The following EFCAB7 variants were observed in gnomAD, a reference collection of about 807,000 sequenced individuals.
EFCAB7 encodes EF-hand calcium-binding domain-containing protein 7.
A neutral mutation model predicts 77.1 loss-of-function variants in EFCAB7; 66 were observed. The ratio of observed to expected loss-of-function variants is 0.86; its 90% CI spans 0.70 to 1.05. The LOEUF (loss-of-function observed/expected upper bound fraction) is 1.05, where lower values mean the gene tolerates loss of function less well. Ranked by LOEUF, EFCAB7 falls within the 50% of genes least tolerant of loss-of-function variation. The probability of loss-of-function intolerance (pLI) is 0.00; values close to 1 mark genes in which losing one functional copy is unlikely to be tolerated. For missense variants in EFCAB7, 638 were observed against 730.5 expected (o/e 0.87, Z 1.46); for synonymous variants, 225 against 243.3 (o/e 0.92, Z 0.70).
At chr1:63,523,810 G>C (rs1410121303) in intron 1 of EFCAB7, among the ~76,000 whole-genome samples, 176 bp downstream of exon 1, 5 of 152,174 alleles carry the variant, frequency 3.3e-5, no homozygotes, top group Admixed American at 2.6e-4. Context: ...ATAGAGAGAT[G>C]GTGCCCGAGA....
rs189834762 is a variant in EFCAB7 at position 63,533,961 on chromosome 1, T to G, written c.683-134T>G. ...TAAAGCCTGATAAATATAAAACTTC[T>G]GACTTTATTTCAATAGGGAGAACAA... On this transcript the variant is annotated intron_variant, in intron 5 of 13. Coordinates refer to ENST00000371088, the MANE Select transcript of EFCAB7 (RefSeq NM_032437.4). 192 of 992,382 alleles carry G rather than the reference T, an allele frequency of 1.9e-4. 1 individual carries two copies. The highest frequency in any genetic ancestry group is 2.5e-4 in the Non-Finnish European group (172 of 687,282). 61.5% of individuals were successfully genotyped at this position (992,382 alleles called of 1,614,324 possible).
intron 6 of EFCAB7, among the ~76,000 whole-genome samples, chr1:63,535,915 C>T (rs1456720069): frequency 1.3e-5 from 2 of 151,866 alleles, no homozygotes; most frequent in South Asian, 2.1e-4. Flanking sequence ...TCTAAGAGGC[C>T]GATAGAGTTT....
chr1:63,555,301 T>C (rs1014039314), intron 8 of EFCAB7, 57 bp from the exon 9 acceptor site: 3 of 1,510,778 alleles, frequency 2.0e-6, no homozygotes, highest in East Asian at 4.5e-5. Flanking sequence ...AAGCTTTAAA[T>C]TAAAAGATGA....
Position 63,571,118 on chromosome 1 carries a change from A to C in EFCAB7, c.1805A>C (p.Lys602Thr), listed in dbSNP as rs1250008155. The C allele has an allele frequency of 3.7e-6, 6 of 1,604,528 alleles. No homozygotes were observed. Among genetic ancestry groups the C allele is most frequent in the Non-Finnish European group, 5.1e-6 (6 of 1,174,190 alleles). ...LNIFAVEVGP[K>T]STMVCQHVMP... ...ATATTTGCAGTAGAAGTGGGACCCAAATCTACAATGGTAATGTATTATTTT... is the reference window on the plus strand; with the variant it reads ...ATATTTGCAGTAGAAGTGGGACCCACATCTACAATGGTAATGTATTATTTT... Residue 602 changes from lysine (K) to threonine (T), a missense_variant, in exon 13 of 14, where the codon AAA becomes ACA. By Grantham distance (78) the Lys-to-Thr change is moderately conservative. Coordinates refer to ENST00000371088, the MANE Select transcript of EFCAB7 (RefSeq NM_032437.4).
intron 10 of EFCAB7, 72 bp from the exon 11 acceptor site, chr1:63,561,637 A>G (rs1647101520): frequency 1.1e-6 from 1 of 915,080 alleles, no homozygotes; most frequent in Non-Finnish European, 1.5e-6. Flanking sequence ...GAATAATAAT[A>G]TATCATAGAC....
At chr1:63,578,150 C>CT in the EFCAB7 span, among the ~76,000 whole-genome samples, 1 of 152,082 alleles carries the variant, frequency 6.6e-6, no homozygotes, top group Non-Finnish European at 1.5e-5. Context: ...TGTAACTGAA[C>CT]TTTAAGTGAC....
At chr1:63,558,343 A>AT (rs1046973334) in intron 10 of EFCAB7, among the ~76,000 whole-genome samples, 1 of 152,200 alleles carries the variant, frequency 6.6e-6, no homozygotes, top group Non-Finnish European at 1.5e-5. Flanking sequence ...GACGGTTAAC[A>AT]TTTTTTGATA....
intron 13 of EFCAB7, 72 bp downstream of exon 13, chr1:63,571,200 G>T: frequency 1.1e-6 from 1 of 920,520 alleles, no homozygotes; most frequent in South Asian, 1.5e-5. Flanking sequence ...AATGCTATGA[G>T]TAAAATGTAA....
chr1:63,547,667 A>C (rs1238838037), intron 7 of EFCAB7: 2 of 152,216 alleles, frequency 1.3e-5, no homozygotes, highest in African/African-American at 4.8e-5. Context: ...TCTTAGTCTG[A>C]GCCAGGCTTG....
intron 11 of EFCAB7, among the ~76,000 whole-genome samples, chr1:63,564,385 C>A (rs767202392): frequency 6.6e-6 from 1 of 151,986 alleles, no homozygotes; most frequent in African/African-American, 2.4e-5. Flanking sequence ...TTAGAATGTG[C>A]AAAAATCACT....
rs753441788 is a variant in EFCAB7, at chr1:63,534,236, CAG to C, written c.804+22_804+23del. On this transcript the variant is annotated intron_variant, in intron 6 of 13. Transcript: ENST00000371088. ...ATAAAGGTATAGTATTTTAAGTTAA[CAG>C]ATGACTTTTTCTGAAAAAAATTTGA... is the stretch of plus-strand genomic sequence containing the variant. The C allele has an allele frequency of 2.6e-5, 41 of 1,601,612 alleles. No homozygotes were observed. Among genetic ancestry groups the C allele is most frequent in the Non-Finnish European group, 3.2e-5 (37 of 1,173,196 alleles).
chr1:63,572,931 G>A (rs1647309267), downstream of EFCAB7, among the ~76,000 whole-genome samples: 1 of 152,100 alleles, frequency 6.6e-6, no homozygotes, highest in Non-Finnish European at 1.5e-5. Context: ...GAGCTTTTGA[G>A]CCAGGAGAAG....
At chr1:63,574,225 G>C (rs1488764815), downstream of EFCAB7, among the ~76,000 whole-genome samples, 1 of 152,142 alleles carries the variant, frequency 6.6e-6, no homozygotes, top group Admixed American at 6.5e-5. Flanking sequence ...AATTGCAGCT[G>C]GAACACTGAG....
intron 7 of EFCAB7, chr1:63,548,604 A>G (rs1646927347): frequency 6.6e-6 from 1 of 151,578 alleles, no homozygotes; most frequent in Admixed American, 6.6e-5. Flanking sequence ...TTCTTCTTCC[A>G]CTTGTATGGT....
At chr1:63,577,806 A>G in the EFCAB7 span, among the ~76,000 whole-genome samples, 1 of 152,194 alleles carries the variant, frequency 6.6e-6, no homozygotes, top group Non-Finnish European at 1.5e-5. Context: ...AATGATGTGA[A>G]TATGGAAACA....
intron 8 of EFCAB7, among the ~76,000 whole-genome samples, chr1:63,552,298 A>G (rs1306751149): frequency 2.0e-5 from 3 of 152,162 alleles, no homozygotes; most frequent in African/African-American, 7.2e-5. Context: ...ATACCTTTTA[A>G]GTTGTATAAT....
chr1:63,585,242 T>C, the EFCAB7 span, among the ~76,000 whole-genome samples: 5 of 151,444 alleles, frequency 3.3e-5, no homozygotes, highest in African/African-American at 1.2e-4. Context: ...GTTTGTAGTT[T>C]TTGAGCATTT....
intron 12 of EFCAB7, 154 bp downstream of exon 12, chr1:63,568,673 C>A: frequency 1.9e-6 from 1 of 536,940 alleles, no homozygotes; most frequent in Non-Finnish European, 3.0e-6. Context: ...AGGTTTCTAA[C>A]TCAAACTGGG....
At chr1:63,528,621 A>G (rs1182317433) in intron 2 of EFCAB7, among the ~76,000 whole-genome samples, 2 of 152,146 alleles carry the variant, frequency 1.3e-5, no homozygotes, top group African/African-American at 2.4e-5. Context: ...CAGATACCCT[A>G]TTTACCCTGA....
Sources: gnomAD v4.1 joint callset for allele counts (sites outside exome capture counted in the v4.1 genomes callset) on GRCh38, gnomAD v4.1.1 for gene constraint, MANE v1.5 for transcripts, NCBI Gene and HGNC (gene_info 2026-07-23, HGNC 2026-07-21) for gene names.